The following SEMA3D variants were observed in gnomAD, a reference collection of about 807,000 sequenced individuals.
SEMA3D encodes the protein semaphorin 3D.
A neutral mutation model predicts 100.1 loss-of-function variants in SEMA3D; 84 were observed. That is an observed-to-expected ratio of 0.84 (90% CI 0.70 to 1.01). The LOEUF is 1.01. Ranked by LOEUF, SEMA3D falls within the 50% of genes least tolerant of loss-of-function variation. SEMA3D has a pLI of 0.00. For missense variants in SEMA3D, 875 were observed against 934.1 expected (o/e 0.94, Z 0.82); for synonymous variants, 312 against 320.7 (o/e 0.97, Z 0.29).
At chr7:85,229,646 A>T in the SEMA3D span, among the ~76,000 whole-genome samples, 4 of 152,116 alleles carry the variant, frequency 2.6e-5, no homozygotes, top group Admixed American at 6.6e-5. Flanking sequence ...GTCTCATTTT[A>T]TCTTAGCAGC....
At chr7:85,240,657 T>A in the SEMA3D span, among the ~76,000 whole-genome samples, 1 of 152,168 alleles carries the variant, frequency 6.6e-6, no homozygotes, top group Non-Finnish European at 1.5e-5. Flanking sequence ...TAATTATTGA[T>A]TAAATGTTTT....
At chr7:85,035,481 T>G (rs1584539577) in intron 12 of SEMA3D, among the ~76,000 whole-genome samples, 2 of 152,058 alleles carry the variant, frequency 1.3e-5, no homozygotes, top group Non-Finnish European at 2.9e-5. Flanking sequence ...AATAAGCCAT[T>G]TGCAGAGAAA....
chr7:85,099,630 C>G (rs1227448321), intron 3 of SEMA3D, among the ~76,000 whole-genome samples: 3 of 151,942 alleles, frequency 2.0e-5, no homozygotes, highest in Non-Finnish European at 4.4e-5. Context: ...GTCTATACCA[C>G]TTTGCATTTC....
the SEMA3D span, among the ~76,000 whole-genome samples, chr7:85,199,584 C>T: frequency 6.6e-6 from 1 of 152,262 alleles, no homozygotes; most frequent in Admixed American, 6.5e-5. Context: ...TTCAAATACA[C>T]CTTCACCCAT....
chr7:85,039,656 T>C (rs1295681075), intron 11 of SEMA3D, among the ~76,000 whole-genome samples: 5 of 152,190 alleles, frequency 3.3e-5, no homozygotes, highest in African/African-American at 9.6e-5. Flanking sequence ...GTAGAAAACA[T>C]GAAATTGTCT....
chr7:85,038,298 C>T (rs1790759872), intron 11 of SEMA3D, among the ~76,000 whole-genome samples: 2 of 152,072 alleles, frequency 1.3e-5, no homozygotes, highest in African/African-American at 2.4e-5. Context: ...TTAATGGGAA[C>T]CTTTGAGAGG....
Position 85,121,878 on chromosome 7 carries a change from T to G in SEMA3D, c.14A>C (p.Lys5Thr), listed in dbSNP as rs1349280722. The G allele has an allele frequency of 6.3e-7, 1 of 1,577,438 alleles. No individual in the cohort carries two copies. Among genetic ancestry groups the G allele is most frequent in the Admixed American group, 1.8e-5 (1 of 56,648 alleles). ...GCTTCTGGCTTTAAGTCTTTCATCT[T>G]TATTAGCATTCATGATGAAAACAAT... MNAN[K>T]DERLKARSQD... The change falls in exon 3 of 19, where the codon AAA (lysine) becomes ACA (threonine). Residue 5 changes from lysine to threonine, a missense_variant. Physicochemically the swap from Lys to Thr is moderately conservative, Grantham distance 78. Coordinates refer to ENST00000284136, the MANE Select transcript of SEMA3D (RefSeq NM_001384900.1).
At chr7:85,149,386 T>G (rs1379712679) in intron 2 of SEMA3D, among the ~76,000 whole-genome samples, 1 of 152,126 alleles carries the variant, frequency 6.6e-6, no homozygotes, top group African/African-American at 2.4e-5. Flanking sequence ...CCCAGGAGGT[T>G]GCAGTGAGCC....
At position 85,146,574 on chromosome 7, in the gene SEMA3D, T is replaced by TA. The variant is rs1171767856; in HGVS notation, c.-41+7033_-41+7034insT. Among the ~76,000 whole-genome samples, 5 of 151,612 alleles carry TA rather than the reference T, an allele frequency of 3.3e-5. No individual in the cohort carries two copies. The East Asian group carries it at 5.8e-4, about 18-fold the overall frequency. On this transcript the variant is annotated intron_variant, in intron 2 of 18. Coordinates refer to ENST00000284136, the MANE Select transcript of SEMA3D (RefSeq NM_001384900.1). The stretch of plus-strand genomic sequence containing the variant: ...ATCTAAAAAAAAATATATATATATA[T>TA]TTTTTACTTAACAATTCTGCATTTA...
At chr7:85,095,046 A>G (rs905762118) in intron 4 of SEMA3D, among the ~76,000 whole-genome samples, 3 of 152,062 alleles carry the variant, frequency 2.0e-5, no homozygotes, top group Admixed American at 6.6e-5. Context: ...TTTATTTTCT[A>G]GATAGTGGAA....
chr7:85,022,693 T>G, intron 12 of SEMA3D, 80 bp from the exon 13 acceptor site: 1 of 855,596 alleles, frequency 1.2e-6, no homozygotes, highest in Non-Finnish European at 2.0e-6. Context: ...AAAATTTGTA[T>G]AGCTTATCAT....
At chr7:85,231,537 G>A in the SEMA3D span, among the ~76,000 whole-genome samples, 34 of 138,914 alleles carry the variant, frequency 2.4e-4, no homozygotes, top group East Asian at 4.3e-4. Flanking sequence ...TGCAAGCTCC[G>A]CCTCCCGGGT....
At chr7:85,192,090 G>A in the SEMA3D span, among the ~76,000 whole-genome samples, 1 of 151,962 alleles carries the variant, frequency 6.6e-6, no homozygotes, top group East Asian at 1.9e-4. Flanking sequence ...ATCTCCTTTT[G>A]CCCTACTTTA....
chr7:85,184,218 TC>T (rs774050047), intron 1 of SEMA3D, among the ~76,000 whole-genome samples: 18 of 152,116 alleles, frequency 1.2e-4, no homozygotes, highest in Non-Finnish European at 2.2e-4. Flanking sequence ...TAGAAAGCCC[TC>T]CCATTAAGTG....
intron 9 of SEMA3D, among the ~76,000 whole-genome samples, chr7:85,043,733 A>G (rs1015711074): frequency 2.0e-5 from 3 of 152,116 alleles, no homozygotes; most frequent in African/African-American, 7.2e-5. Context: ...ACGAGATCTG[A>G]TGGTTTTAAA....
chr7:85,215,024 T>C, the SEMA3D span, among the ~76,000 whole-genome samples: 2 of 152,090 alleles, frequency 1.3e-5, no homozygotes, highest in Admixed American at 1.3e-4. Flanking sequence ...ACTGATAGTT[T>C]AGGAGAGGTC....
At position 85,040,742 on chromosome 7, in the gene SEMA3D, T is replaced by C. The variant is rs763984063; in HGVS notation, c.977A>G (p.Gln326Arg). The C allele has an allele frequency of 3.1e-6, 4 of 1,295,714 alleles. No individual in the cohort carries two copies. In the African/African-American group the frequency reaches 4.4e-5, roughly 14 times the overall value. 80.3% of individuals were successfully genotyped at this position (1,295,714 alleles called of 1,614,324 possible). The change falls in exon 11 of 19, where the codon CAA becomes CGA. Residue 326 changes from glutamine (Q) to arginine (R), a missense_variant and splice_region_variant. Physicochemically the swap from Gln to Arg is conservative, Grantham distance 43 (BLOSUM62 1). Coordinates refer to ENST00000284136, the MANE Select transcript of SEMA3D (RefSeq NM_001384900.1). The part of the protein sequence containing the change: ...DGADTYFDEL[Q>R]DIYLLPTRDE... Reference sequence around the variant, plus strand: ...TCTTGTGGGGAGTAAATAAATATCTTCTATTAAAGGGGAAAAATAAATATT... The same window carrying C: ...TCTTGTGGGGAGTAAATAAATATCTCCTATTAAAGGGGAAAAATAAATATT...
chr7:85,156,782 C>A (rs1287167267), intron 1 of SEMA3D, among the ~76,000 whole-genome samples: 1 of 152,006 alleles, frequency 6.6e-6, no homozygotes, highest in African/African-American at 2.4e-5. Context: ...AACCTGTTTA[C>A]CAAAAACACC....
intron 8 of SEMA3D, among the ~76,000 whole-genome samples, chr7:85,062,352 G>A (rs1791501569): frequency 6.6e-6 from 1 of 152,118 alleles, no homozygotes; most frequent in South Asian, 2.1e-4. Context: ...CAATAAAATG[G>A]TGGCAATAAA....
Sources: gnomAD v4.1 joint callset for allele counts (sites outside exome capture counted in the v4.1 genomes callset) on GRCh38, gnomAD v4.1.1 for gene constraint, MANE v1.5 for transcripts, NCBI Gene and HGNC (gene_info 2026-07-23, HGNC 2026-07-21) for gene names.